RAB6A: variants seen among roughly 807,000 people sequenced by gnomAD.
The protein encoded by RAB6A is RAB6A, member RAS oncogene family, also known as ras-related protein Rab-6A.
Under a neutral mutation model 32.3 loss-of-function variants are expected in RAB6A, and 8 were observed. That is an observed-to-expected ratio of 0.25 (90% confidence interval 0.15 to 0.45). RAB6A has a LOEUF of 0.45. Among genes scored for constraint, RAB6A ranks in the 20% least tolerant of loss-of-function variants. The probability of loss-of-function intolerance (pLI) is 1.00; values close to 1 mark genes in which losing one functional copy is unlikely to be tolerated. For synonymous variants in RAB6A, 73 were observed against 82.1 expected (o/e 0.89, Z 0.60); for missense variants, 104 against 249.4 (o/e 0.42, Z 3.93).
chr11:73,704,553 C>T (rs1262356473), intron 6 of RAB6A, among the ~76,000 whole-genome samples: 6 of 149,840 alleles, frequency 4.0e-5, no homozygotes, highest in Admixed American at 1.3e-4. Flanking sequence ...GGCATGGTGG[C>T]GCTCGACTGT....
chr11:73,724,136 A>C (rs1476846203), intron 2 of RAB6A, among the ~76,000 whole-genome samples: 1 of 152,228 alleles, frequency 6.6e-6, no homozygotes, highest in South Asian at 2.1e-4. Context: ...AGGCTGCAGA[A>C]AGTTCACACT....
chr11:73,696,779 T>C (rs1219269850), intron 6 of RAB6A, among the ~76,000 whole-genome samples: 2 of 151,908 alleles, frequency 1.3e-5, no homozygotes, highest in Non-Finnish European at 2.9e-5. Flanking sequence ...GAATTTTTTT[T>C]TTTTTGCAGA....
At chr11:73,701,199 T>C (rs1590840602) in intron 6 of RAB6A, among the ~76,000 whole-genome samples, 1 of 152,208 alleles carries the variant, frequency 6.6e-6, no homozygotes, top group Non-Finnish European at 1.5e-5. Context: ...CTGATAAATA[T>C]ATACCTTATA....
chr11:73,728,977 C>T (rs966582093), intron 2 of RAB6A, among the ~76,000 whole-genome samples: 1 of 151,840 alleles, frequency 6.6e-6, no homozygotes, highest in Non-Finnish European at 1.5e-5. Context: ...ATATATATTC[C>T]GATTTTCTAT....
At chr11:73,700,464 C>T (rs1945722073) in intron 6 of RAB6A, among the ~76,000 whole-genome samples, 1 of 151,616 alleles carries the variant, frequency 6.6e-6, no homozygotes, top group Admixed American at 6.6e-5. Flanking sequence ...GCCTGTAGTC[C>T]TAGCTACTTA....
intron 6 of RAB6A, among the ~76,000 whole-genome samples, chr11:73,692,383 G>C (rs1212243146): frequency 6.6e-6 from 1 of 150,646 alleles, no homozygotes; most frequent in Non-Finnish European, 1.5e-5. Flanking sequence ...GGCGCCTGTA[G>C]TCCCAGCTAC....
intron 1 of RAB6A, among the ~76,000 whole-genome samples, chr11:73,749,358 C>T (rs1946640661): frequency 6.6e-6 from 1 of 152,008 alleles, no homozygotes; most frequent in African/African-American, 2.4e-5. Flanking sequence ...TGGGGACTCA[C>T]AGGGAAGTGG....
chr11:73,711,982 A>G (rs1945964434), intron 5 of RAB6A, among the ~76,000 whole-genome samples: 2 of 152,036 alleles, frequency 1.3e-5, no homozygotes, highest in Admixed American at 1.3e-4. Flanking sequence ...TTTCTTCTCT[A>G]TTTTTAGAGG....
chr11:73,711,197 A>G (rs1412932062), intron 5 of RAB6A, among the ~76,000 whole-genome samples: 1 of 152,114 alleles, frequency 6.6e-6, no homozygotes, highest in South Asian at 2.1e-4. Context: ...TACCTCTACC[A>G]TGCTCTGCCT....
At chr11:73,717,181 T>G (rs942046208) in intron 4 of RAB6A, among the ~76,000 whole-genome samples, 2 of 152,172 alleles carry the variant, frequency 1.3e-5, no homozygotes, top group Admixed American at 6.5e-5. Context: ...TCAAAAAAAG[T>G]CCTTGAATGC....
chr11:73,692,916 G>A (rs180684733), intron 6 of RAB6A, among the ~76,000 whole-genome samples: 1,781 of 151,604 alleles, frequency 0.012, 14 homozygotes, highest in Middle Eastern at 0.045. Context: ...AGCCGAGATC[G>A]CGCCACTGCA....
intron 6 of RAB6A, among the ~76,000 whole-genome samples, chr11:73,686,942 T>A (rs1433555736): frequency 6.6e-6 from 1 of 152,094 alleles, no homozygotes; most frequent in Non-Finnish European, 1.5e-5. Context: ...ATGGCAGCAT[T>A]ATTGACAATA....
intron 6 of RAB6A, among the ~76,000 whole-genome samples, chr11:73,683,555 G>A (rs1449271735): frequency 2.0e-5 from 3 of 150,898 alleles, no homozygotes; most frequent in Non-Finnish European, 3.0e-5. Flanking sequence ...ACCGCACCTG[G>A]TGGCACTATT....
At chr11:73,720,149 A>T (rs574678064) in intron 3 of RAB6A, among the ~76,000 whole-genome samples, 3 of 151,798 alleles carry the variant, frequency 2.0e-5, no homozygotes, top group African/African-American at 7.3e-5. Flanking sequence ...AAAGGATGAA[A>T]GACAAAAATC....
At chr11:73,691,025 G>T (rs7396121) in intron 6 of RAB6A, among the ~76,000 whole-genome samples, 8 of 151,510 alleles carry the variant, frequency 5.3e-5, no homozygotes, top group Admixed American at 1.3e-4. Flanking sequence ...TTTCGGGGGT[G>T]GGGGGGCGAT....
chr11:73,706,370 C>T (rs1473855463), intron 6 of RAB6A, among the ~76,000 whole-genome samples: 1 of 151,886 alleles, frequency 6.6e-6, no homozygotes, highest in Admixed American at 6.6e-5. Flanking sequence ...AAGACATTAG[C>T]CAGGCGTGAT....
rs1946833677 is a variant in RAB6A, at chr11:73,760,809, A to AGCC, written c.-177_-175dup. Reference sequence around the variant, plus strand: ...GCAGCAGGACTCTCCACAGACTGGCAGCCGCCGCCGCCTCCCGGCAGAGTA... The same window carrying AGCC: ...GCAGCAGGACTCTCCACAGACTGGCAGCCGCCGCCGCCGCCTCCCGGCAGAGTA... On this transcript the variant is annotated 5_prime_UTR_variant, in exon 1 of 8. Transcript: ENST00000336083. The AGCC allele has an allele frequency of 3.4e-6, 3 of 888,286 alleles. No individual in the cohort carries two copies. Among genetic ancestry groups the AGCC allele is most frequent in the Non-Finnish European group, 5.1e-6 (3 of 590,870 alleles). The allele number at this position is 888,286 out of a possible 1,614,324, so 55.0% of individuals were successfully genotyped here.
intron 1 of RAB6A, among the ~76,000 whole-genome samples, chr11:73,754,600 T>C (rs1453949298): frequency 2.0e-5 from 3 of 152,114 alleles, no homozygotes; most frequent in Non-Finnish European, 2.9e-5. Context: ...GTTTGGAAAA[T>C]AGTTCTTTTT....
chr11:73,747,069 G>A (rs960079317), intron 1 of RAB6A, among the ~76,000 whole-genome samples: 1 of 151,146 alleles, frequency 6.6e-6, no homozygotes, highest in Non-Finnish European at 1.5e-5. Flanking sequence ...TGGGATTACA[G>A]ACATGAGCCA....
Sources: allele counts gnomAD v4.1 joint callset (sites outside exome capture counted in the v4.1 genomes callset), GRCh38; gene constraint gnomAD v4.1.1; transcripts MANE v1.5; gene names NCBI Gene and HGNC (gene_info 2026-07-23, HGNC 2026-07-21).